Variants in C4A observed in about 807,000 individuals in gnomAD.
C4A encodes complement C4A (Chido/Rodgers blood group).
In C4A, 12 loss-of-function variants were observed where a neutral mutation model predicts 45.7. The observed-to-expected ratio is 0.26, with a 90% CI of 0.17 to 0.43. The LOEUF is 0.43. Ranked by LOEUF, C4A falls within the 20% of genes least tolerant of loss-of-function variation. The pLI is 1.00. For synonymous variants in C4A, 66 were observed against 230.7 expected, an observed-to-expected ratio of 0.29 and a Z score of 6.47; for missense variants, 127 against 534.4, an observed-to-expected ratio of 0.24 and a Z score of 7.52.
rs1277766257 is a variant in C4A, at chr6:31,996,100, A to G, written c.3376A>G (p.Arg1126Gly). Residue 1126 changes from arginine (R) to glycine (G), a missense_variant, in exon 26 of 41, where the codon AGG becomes GGG. Transcript: ENST00000428956. Reference sequence around the variant, plus strand: ...CCAGGACCCCTGTCCAGTGTTAGACAGGAGCATGCAGGTGCGGGCATGCTG... The same window carrying G: ...CCAGGACCCCTGTCCAGTGTTAGACGGGAGCATGCAGGTGCGGGCATGCTG... ...SFQDPCPVLD[R>G]SMQGGLVGND... 6.3e-7 allele frequency: 1 copy of G among 1,587,626 alleles called. No homozygotes were observed. The highest frequency in any genetic ancestry group is 2.2e-5 in the East Asian group (1 of 44,722).
chr6:31,996,551 G>A lies in C4A; in HGVS notation c.3627G>A (p.Leu1209=), dbSNP rs370657873. The A allele has an allele frequency of 1.9e-6, 3 of 1,586,986 alleles. No individual in the cohort carries two copies. Among genetic ancestry groups the A allele is most frequent in the Non-Finnish European group, 2.6e-6 (3 of 1,157,014 alleles). ...ALTLTKAPVD[L]LGVAHNNLMA... ...CACTGACCAAGGCGCCTGTGGACCT[G>A]CTCGGTGTTGCCCACAACAACCTCA... Residue 1209 remains leucine, a synonymous_variant, in exon 28 of 41, where the codon CTG becomes CTA. Coordinates refer to ENST00000428956, the MANE Select transcript of C4A (RefSeq NM_007293.3).
At chr6:31,994,752 TG>T in intron 21 of C4A, 45 bp downstream of exon 21, 1 of 1,543,404 alleles carries the variant, frequency 6.5e-7, no homozygotes, top group Non-Finnish European at 8.9e-7. Context: ...CCCCCAGCTT[TG>T]TCCTCCACCC....
Position 31,996,526 on chromosome 6 carries a change from C to A in C4A, c.3602C>A (p.Thr1201Lys), listed in dbSNP as rs1226391465. The A allele has an allele frequency of 6.3e-7, 1 of 1,587,008 alleles. No homozygotes were observed. Among genetic ancestry groups the A allele is most frequent in the Non-Finnish European group, 8.6e-7 (1 of 1,156,932 alleles). ...GCTGCCATCACGGCCTATGCCCTGA[C>A]ACTGACCAAGGCGCCTGTGGACCTG... ...HAAAITAYALTLTKAPVDLLG... is the reference protein window; with the variant it reads ...HAAAITAYALKLTKAPVDLLG... The change falls in exon 28 of 41, where the codon ACA becomes AAA. Residue 1201 changes from threonine to lysine, a missense_variant. Coordinates refer to ENST00000428956, the MANE Select transcript of C4A (RefSeq NM_007293.3).
chr6:31,996,872 C>G lies in C4A; in HGVS notation c.3720C>G (p.Ala1240=), dbSNP rs762202053. The change falls in exon 29 of 41, where the codon GCC becomes GCG. Residue 1240 remains alanine (A), a synonymous_variant. Transcript: ENST00000428956. ...CAGTCACTGGTTCTCAGAGCAATGC[C>G]GTGTCGCCCACCCCGGCTCCTCGCA... ...WGSVTGSQSN[A]VSPTPAPRNP... is the part of the protein sequence containing the mutation. 1 of 1,034,272 alleles carries G rather than the reference C, an allele frequency of 9.7e-7. No homozygotes were observed. The highest frequency in any genetic ancestry group is 2.6e-5 in the East Asian group (1 of 37,836). The allele number at this position is 1,034,272 out of a possible 1,614,324, so 64.1% of individuals were successfully genotyped here.
In C4A at chr6:31,996,561, G is replaced by C. The variant is rs1237038251; in HGVS notation, c.3637G>C (p.Ala1213Pro). The change falls in exon 28 of 41, where the codon GCC becomes CCC. Residue 1213 changes from alanine (A) to proline (P), a missense_variant. Transcript: ENST00000428956. ...TKAPVDLLGV[A>P]HNNLMAMAQE... is the part of the protein sequence containing the mutation. ...GGCGCCTGTGGACCTGCTCGGTGTT[G>C]CCCACAACAACCTCATGGCAATGGC... 1 of 1,588,580 alleles carries C rather than the reference G, an allele frequency of 6.3e-7. No individual in the cohort carries two copies. The highest frequency in any genetic ancestry group is 8.6e-7 in the Non-Finnish European group (1 of 1,158,284).
At position 31,996,082 on chromosome 6, in the gene C4A, C is replaced by A. The variant is rs201206908; in HGVS notation, c.3358C>A (p.Pro1120Thr). 1.3e-3 allele frequency: 2,133 copies of A among 1,587,672 alleles called. 165 individuals are homozygous for A. Among genetic ancestry groups the A allele is most frequent in the Middle Eastern group, 9.4e-3 (57 of 6,042 alleles). Residue 1120 changes from proline to threonine, a missense_variant, in exon 26 of 41, where the codon CCC becomes ACC. Coordinates refer to ENST00000428956, the MANE Select transcript of C4A (RefSeq NM_007293.3). ...GCAGGCTGACGGCTCGTTCCAGGACCCCTGTCCAGTGTTAGACAGGAGCAT... is the reference window on the plus strand; with the variant it reads ...GCAGGCTGACGGCTCGTTCCAGGACACCTGTCCAGTGTTAGACAGGAGCAT... ...QQQADGSFQD[P>T]CPVLDRSMQG...
chr6:31,996,599 A>C lies in C4A; in HGVS notation c.3675A>C (p.Gly1225=). Residue 1225 remains glycine, a splice_region_variant and synonymous_variant, in exon 28 of 41, where the codon GGA becomes GGC. Transcript: ENST00000428956. ...NNLMAMAQET[G]DNLYWGSVTG... is the part of the protein sequence containing the mutation. ...TCATGGCAATGGCCCAGGAGACTGGAGGTGAGGGGTGAGGCGCTCCTGGCA... is the reference window on the plus strand; with the variant it reads ...TCATGGCAATGGCCCAGGAGACTGGCGGTGAGGGGTGAGGCGCTCCTGGCA... 1 of 1,588,670 alleles carries C rather than the reference A, an allele frequency of 6.3e-7. No individual in the cohort carries two copies. Among genetic ancestry groups the C allele is most frequent in the Non-Finnish European group, 8.6e-7 (1 of 1,158,586 alleles).
intron 27 of C4A, 48 bp from the exon 28 acceptor site, chr6:31,996,381 A>G: frequency 6.3e-7 from 1 of 1,584,442 alleles, no homozygotes; most frequent in Non-Finnish European, 8.6e-7. Context: ...CTTTTTCCTC[A>G]GGAACCCAGG....
Position 31,996,226 on chromosome 6 carries a change from A to G in C4A, c.3407A>G (p.Asp1136Gly). The G allele has an allele frequency of 6.4e-7, 1 of 1,572,192 alleles. No individual in the cohort carries two copies. Among genetic ancestry groups the G allele is most frequent in the Non-Finnish European group, 8.7e-7 (1 of 1,145,642 alleles). ...RSMQGGLVGN[D>G]ETVALTAFVT... ...TACTAGGGGGGTTTGGTGGGCAATG[A>G]TGAGACTGTGGCACTCACAGCCTTT... Residue 1136 changes from aspartate to glycine, a missense_variant, in exon 27 of 41, where the codon GAT becomes GGT. Asp to Gly is a moderately conservative substitution (Grantham distance 94). Transcript: ENST00000428956.
intron 25 of C4A, 26 bp from the exon 26 acceptor site, chr6:31,995,929 C>T (rs1209502177): frequency 4.5e-6 from 7 of 1,553,184 alleles, no homozygotes; most frequent in Non-Finnish European, 5.3e-6. Context: ...AGTCCTTATC[C>T]CCAACCCTCC....
At position 31,996,253 on chromosome 6, in the gene C4A, T is replaced by C. The variant is rs1774444308; in HGVS notation, c.3434T>C (p.Val1145Ala). The C allele has an allele frequency of 6.4e-7, 1 of 1,570,898 alleles. No homozygotes were observed. Among genetic ancestry groups the C allele is most frequent in the Non-Finnish European group, 8.7e-7 (1 of 1,144,764 alleles). ...GAGACTGTGGCACTCACAGCCTTTG[T>C]GACCATCGCCCTTCATCATGGGCTG... ...NDETVALTAF[V>A]TIALHHGLAV... Residue 1145 changes from valine (V) to alanine (A), a missense_variant, in exon 27 of 41, where the codon GTG (valine) becomes GCG (alanine). Transcript: ENST00000428956.
Position 31,996,326 on chromosome 6 carries a change from A to G in C4A, c.3504+3A>G. 1 of 1,568,102 alleles carries G rather than the reference A, an allele frequency of 6.4e-7. No homozygotes were observed. Among genetic ancestry groups the G allele is most frequent in the Non-Finnish European group, 8.8e-7 (1 of 1,142,272 alleles). On this transcript the variant is annotated splice_donor_region_variant and intron_variant, in intron 27 of 40. Transcript: ENST00000428956. The stretch of plus-strand genomic sequence containing the variant: ...CAGAGCCATTGAAGCAGAGAGTGGT[A>G]AGTTCAGTGGCGTTTCTGCCCTCTG...
Position 31,996,818 on chromosome 6 carries a change from T to C in C4A, c.3677-11T>C. On this transcript the variant is annotated splice_polypyrimidine_tract_variant and intron_variant, in intron 28 of 40. Transcript: ENST00000428956. ...CCTTCCTGTTTACTCGTGGTCTCCC[T>C]TCACTTTCAGATAACCTGTACTGGG... is the stretch of plus-strand genomic sequence containing the variant. 1 of 992,222 alleles carries C rather than the reference T, an allele frequency of 1.0e-6. No individual in the cohort carries two copies. Among genetic ancestry groups the C allele is most frequent in the Non-Finnish European group, 1.5e-6 (1 of 678,442 alleles). The allele number at this position is 992,222 out of a possible 1,614,324, so 61.5% of individuals were successfully genotyped here. A position where few individuals can be genotyped will look rare whatever the true frequency, so the allele number is the denominator to read the frequency against.
At chr6:31,996,643 G>A (rs745598448) in intron 28 of C4A, 43 bp downstream of exon 28, 1 of 1,587,462 alleles carries the variant, frequency 6.3e-7, no homozygotes, top group South Asian at 1.1e-5. Context: ...GAGGCCCAGG[G>A]GACCTTAGGA....
chr6:31,997,487 C>T, intron 30 of C4A, 176 bp downstream of exon 30: 1 of 547,296 alleles, frequency 1.8e-6, no homozygotes, highest in Non-Finnish European at 3.1e-6. Context: ...CTCTGAGCTT[C>T]AGTTTTCTCA....
In C4A at chr6:31,996,456, T is replaced by C; in HGVS notation, c.3532T>C (p.Phe1178Leu). ...VEASISKANS[F>L]LGEKASAGLL... ...AGCCTCCATCTCAAAGGCAAACTCA[T>C]TTTTGGGGGAGAAAGCAAGTGCTGG... The change falls in exon 28 of 41, where the codon TTT (phenylalanine) becomes CTT (leucine). Residue 1178 changes from phenylalanine (F) to leucine (L), a missense_variant. By Grantham distance (22) the Phe-to-Leu change is conservative. Coordinates refer to ENST00000428956, the MANE Select transcript of C4A (RefSeq NM_007293.3). 6.3e-7 allele frequency: 1 copy of C among 1,588,872 alleles called. No homozygotes were observed. Among genetic ancestry groups the C allele is most frequent in the East Asian group, 2.2e-5 (1 of 44,794 alleles).
Position 31,996,476 on chromosome 6 carries a change from T to C in C4A, c.3552T>C (p.Ser1184=). The C allele has an allele frequency of 6.3e-7, 1 of 1,588,990 alleles. No individual in the cohort carries two copies. Among genetic ancestry groups the C allele is most frequent in the Admixed American group, 1.7e-5 (1 of 59,844 alleles). ...ACTCATTTTTGGGGGAGAAAGCAAG[T>C]GCTGGGCTCCTGGGTGCCCACGCAG... is the stretch of plus-strand genomic sequence containing the variant. The part of the protein sequence containing the change: ...KANSFLGEKA[S]AGLLGAHAAA... The change falls in exon 28 of 41, where the codon AGT becomes AGC. Residue 1184 remains serine (S), a synonymous_variant. Transcript: ENST00000428956.
At chr6:31,994,412 C>G in intron 20 of C4A, 28 bp downstream of exon 20, 2 of 1,344,280 alleles carry the variant, frequency 1.5e-6, no homozygotes, top group Non-Finnish European at 2.0e-6. Context: ...CCTGAGCATA[C>G]AGGAGTTGGG....
In C4A at chr6:31,996,236, G is replaced by T; in HGVS notation, c.3417G>T (p.Val1139=). 6.4e-7 allele frequency: 1 copy of T among 1,570,556 alleles called. No individual in the cohort carries two copies. Among genetic ancestry groups the T allele is most frequent in the Non-Finnish European group, 8.7e-7 (1 of 1,144,330 alleles). ...QGGLVGNDET[V]ALTAFVTIAL... ...GTTTGGTGGGCAATGATGAGACTGT[G>T]GCACTCACAGCCTTTGTGACCATCG... Residue 1139 remains valine, a synonymous_variant, in exon 27 of 41, where the codon GTG becomes GTT. Coordinates refer to ENST00000428956, the MANE Select transcript of C4A (RefSeq NM_007293.3).
Sources: allele counts gnomAD v4.1 joint callset, GRCh38; gene constraint gnomAD v4.1.1; transcripts MANE v1.5; gene names NCBI Gene and HGNC (gene_info 2026-07-23, HGNC 2026-07-21).